RSBN1: variants seen among roughly 807,000 people sequenced by gnomAD.
RSBN1 encodes round spermatid basic protein 1.
A neutral mutation model predicts 74.8 loss-of-function variants in RSBN1; 23 were observed. That is an observed-to-expected ratio of 0.31 (90% CI 0.22 to 0.44). RSBN1 has a LOEUF of 0.44. Among genes scored for constraint, RSBN1 ranks in the 20% least tolerant of loss-of-function variants. RSBN1 has a pLI of 1.00. For missense variants in RSBN1, 808 were observed against 1,020.9 expected (o/e 0.79, Z 2.84); for synonymous variants, 407 against 379.6 (o/e 1.07, Z -0.84).
chr1:113,766,040 T>C lies in RSBN1; in HGVS notation c.2349A>G (p.Glu783=). 1 of 1,614,084 alleles carries C rather than the reference T, an allele frequency of 6.2e-7. No individual in the cohort carries two copies. ...GTTGCTGGTCAGAGTCCAGTCTACT[T>C]TCCACTTTTAAAACTGGAATAGGCT... ...KTQPIPVLKV[E]SRLDSDQQHN... The change falls in exon 7 of 7, where the codon GAA becomes GAG. Residue 783 remains glutamate (E), a synonymous_variant. Transcript: ENST00000261441.
chr1:113,767,735 T>C (rs990634144), intron 5 of RSBN1, among the ~76,000 whole-genome samples: 1 of 152,200 alleles, frequency 6.6e-6, no homozygotes, highest in Non-Finnish European at 1.5e-5. Context: ...TGTCCACTGA[T>C]GGATAAACTG....
intron 2 of RSBN1, among the ~76,000 whole-genome samples, chr1:113,795,677 C>T (rs920557389): frequency 1.3e-5 from 2 of 152,130 alleles, no homozygotes; most frequent in Non-Finnish European, 2.9e-5. Context: ...TTTTAAATCT[C>T]AAAGTAAGTA....
At position 113,797,517 on chromosome 1, in the gene RSBN1, G is replaced by A; in HGVS notation, c.1223C>T (p.Ala408Val). 1 of 1,613,822 alleles carries A rather than the reference G, an allele frequency of 6.2e-7. No homozygotes were observed. Among genetic ancestry groups the A allele is most frequent in the Non-Finnish European group, 8.5e-7 (1 of 1,179,896 alleles). The change falls in exon 2 of 7, where the codon GCT (alanine) becomes GTT (valine). Residue 408 changes from alanine (A) to valine (V), a missense_variant. Around this residue, in one of 6 missense-constraint regions of RSBN1, gnomAD observed 112 missense variants for 257.3 expected, o/e 0.44. Transcript: ENST00000261441. ...LTFSENEKNA[A>V]YYALAIVHGA... ...ATGCACTATTGCTAAAGCATAGTAA[G>A]CAGCATTTTTCTCATTTTCACTGAA...
chr1:113,765,871 G>C lies in RSBN1; in HGVS notation c.*109C>G, dbSNP rs1659768948. The stretch of plus-strand genomic sequence containing the variant: ...TTGTGGAATGTCATTTCTCTTTATA[G>C]AATTATAGGCAAGATTTCTCCAATA... On this transcript the variant is annotated 3_prime_UTR_variant, in exon 7 of 7. Coordinates refer to ENST00000261441, the MANE Select transcript of RSBN1 (RefSeq NM_018364.5). The C allele has an allele frequency of 1.3e-6, 1 of 757,586 alleles. No individual in the cohort carries two copies. Among genetic ancestry groups the C allele is most frequent in the Non-Finnish European group, 2.1e-6 (1 of 477,544 alleles). The allele number at this position is 757,586 out of a possible 1,614,324, so 46.9% of individuals were successfully genotyped here. A position where few individuals can be genotyped will look rare whatever the true frequency, so the allele number is the denominator to read the frequency against.
chr1:113,771,991 C>A (rs1039175811), intron 4 of RSBN1, among the ~76,000 whole-genome samples: 1 of 151,648 alleles, frequency 6.6e-6, no homozygotes, highest in South Asian at 2.1e-4. Context: ...GTTTTAAGTA[C>A]GTAGGTGAAA....
rs1292985248 is a variant in RSBN1 at position 113,765,623 on chromosome 1, G to T, written c.*357C>A. On this transcript the variant is annotated 3_prime_UTR_variant, in exon 7 of 7. Transcript: ENST00000261441. ...ATTTATCCATAAAAACAGCAAATAT[G>T]GCAAGAGACAAGGCAAGATAAAATT... 5.3e-6 allele frequency: 1 copy of T among 188,606 alleles called. No homozygotes were observed. Among genetic ancestry groups the T allele is most frequent in the African/African-American group, 2.3e-5 (1 of 42,620 alleles). The allele number at this position is 188,606 out of a possible 1,614,324, so 11.7% of individuals were successfully genotyped here. A position where few individuals can be genotyped will look rare whatever the true frequency, so the allele number is the denominator to read the frequency against.
At position 113,797,562 on chromosome 1, in the gene RSBN1, T is replaced by G; in HGVS notation, c.1178A>C (p.Glu393Ala). 1 of 1,611,930 alleles carries G rather than the reference T, an allele frequency of 6.2e-7. No individual in the cohort carries two copies. The highest frequency in any genetic ancestry group is 8.5e-7 in the Non-Finnish European group (1 of 1,178,844). ...LSPMEMERFS[E>A]EFLALTFSEN... is the part of the protein sequence containing the mutation. ...ACTGAATGTCAAAGCAAGAAACTCC[T>G]CAGAAAATCTCTCCATCTCCATTGG... Residue 393 changes from glutamate (E) to alanine (A), a missense_variant, in exon 2 of 7, where the codon GAG (glutamate) becomes GCG (alanine). Coordinates refer to ENST00000261441, the MANE Select transcript of RSBN1 (RefSeq NM_018364.5).
In RSBN1 at chr1:113,768,290, G is replaced by A. The variant is rs146069141; in HGVS notation, c.1758C>T (p.Val586=). The change falls in exon 5 of 7, where the codon GTC becomes GTT. Residue 586 remains valine, a synonymous_variant. Transcript: ENST00000261441. ...TACTCTGCCAGTCAAACCCCTGACC[G>A]ACATGATCAGCATGAGCTCTAGTCC... ...EDRTRAHADH[V]GQGFDWQSTA... 3.8e-5 allele frequency: 62 copies of A among 1,613,644 alleles called. 1 individual carries two copies. Among genetic ancestry groups the A allele is most frequent in the South Asian group, 1.9e-4 (17 of 91,048 alleles).
chr1:113,788,619 A>G (rs1447439458), intron 2 of RSBN1, among the ~76,000 whole-genome samples: 1 of 152,212 alleles, frequency 6.6e-6, no homozygotes, highest in African/African-American at 2.4e-5. Context: ...GTAAGTTTAA[A>G]GGCACTGAAG....
chr1:113,801,144 G>A (rs1335821467), intron 1 of RSBN1, among the ~76,000 whole-genome samples: 1 of 151,882 alleles, frequency 6.6e-6, no homozygotes, highest in East Asian at 1.9e-4. Context: ...ACCACACCCG[G>A]CTAATTTTTT....
At position 113,763,464 on chromosome 1, in the gene RSBN1, T is replaced by C. The variant is rs183546989; in HGVS notation, c.*2516A>G. Reference sequence around the variant, plus strand: ...CCACCAAACCAAATAATTTAATGATTTAGAAAAATTGCAATCATTTGTATC... The same window carrying C: ...CCACCAAACCAAATAATTTAATGATCTAGAAAAATTGCAATCATTTGTATC... On this transcript the variant is annotated 3_prime_UTR_variant, in exon 7 of 7. Coordinates refer to ENST00000261441, the MANE Select transcript of RSBN1 (RefSeq NM_018364.5). 17 of 152,804 alleles carry C rather than the reference T, an allele frequency of 1.1e-4. No individual in the cohort carries two copies. The highest frequency in any genetic ancestry group is 3.4e-4 in the African/African-American group (14 of 41,552). The allele number at this position is 152,804 out of a possible 1,614,324, so 9.5% of individuals were successfully genotyped here.
rs1659747471 is a variant in RSBN1 at position 113,764,692 on chromosome 1, T to C, written c.*1288A>G. On this transcript the variant is annotated 3_prime_UTR_variant, in exon 7 of 7. Transcript: ENST00000261441. Reference sequence around the variant, plus strand: ...CAGGAAAAAAAAAAAATCTCCAAATTGCACTGTAACCAGGGAGATATAAGA... The same window carrying C: ...CAGGAAAAAAAAAAAATCTCCAAATCGCACTGTAACCAGGGAGATATAAGA... The C allele has an allele frequency of 6.6e-6, 1 of 151,330 alleles. No individual in the cohort carries two copies. The highest frequency in any genetic ancestry group is 1.5e-5 in the Non-Finnish European group (1 of 67,804). 9.4% of individuals were successfully genotyped at this position (151,330 alleles called of 1,614,324 possible).
chr1:113,807,230 C>T (rs1660722513), intron 1 of RSBN1, among the ~76,000 whole-genome samples: 1 of 151,636 alleles, frequency 6.6e-6, no homozygotes, highest in Admixed American at 6.6e-5. Context: ...AGGAGAATCG[C>T]CTGAACCCAA....
chr1:113,774,129 G>A (rs1659938435), intron 4 of RSBN1, among the ~76,000 whole-genome samples: 1 of 152,172 alleles, frequency 6.6e-6, no homozygotes, highest in Non-Finnish European at 1.5e-5. Context: ...GTCAGGGGAG[G>A]TGGCTGATTT....
chr1:113,808,030 G>A (rs1457366333), intron 1 of RSBN1, among the ~76,000 whole-genome samples: 1 of 152,116 alleles, frequency 6.6e-6, no homozygotes, highest in East Asian at 1.9e-4. Flanking sequence ...TGGCAAGAAT[G>A]TGGAGAAAAT....
intron 1 of RSBN1, among the ~76,000 whole-genome samples, chr1:113,804,422 A>C (rs1660659574): frequency 6.6e-6 from 1 of 152,220 alleles, no homozygotes; most frequent in South Asian, 2.1e-4. Context: ...GCTAGTACAC[A>C]ACAGCCAAGA....
At chr1:113,779,624 T>C (rs1344004086) in intron 2 of RSBN1, among the ~76,000 whole-genome samples, 1 of 152,220 alleles carries the variant, frequency 6.6e-6, no homozygotes, top group Non-Finnish European at 1.5e-5. Flanking sequence ...AGGTAAGTCT[T>C]TTTAAATCAT....
intron 2 of RSBN1, among the ~76,000 whole-genome samples, chr1:113,789,241 A>T (rs887506736): frequency 6.6e-6 from 1 of 152,138 alleles, no homozygotes; most frequent in Non-Finnish European, 1.5e-5. Context: ...AGCCTACATA[A>T]TGAAGGCTTC....
chr1:113,797,572 T>C lies in RSBN1; in HGVS notation c.1168A>G (p.Arg390Gly). The change falls in exon 2 of 7, where the codon AGA becomes GGA. Residue 390 changes from arginine to glycine, a missense_variant. This residue lies in a region of RSBN1 where 85 missense variants were observed against 126.2 expected (regional missense o/e 0.67). Coordinates refer to ENST00000261441, the MANE Select transcript of RSBN1 (RefSeq NM_018364.5). The part of the protein sequence containing the change: ...LSFLSPMEME[R>G]FSEEFLALTF... ...AAAGCAAGAAACTCCTCAGAAAATC[T>C]CTCCATCTCCATTGGAGACAAAAAT... 6.2e-7 allele frequency: 1 copy of C among 1,611,926 alleles called. No individual in the cohort carries two copies. The highest frequency in any genetic ancestry group is 1.1e-5 in the South Asian group (1 of 90,896).
Sources: gnomAD v4.1 joint callset for allele counts (sites outside exome capture counted in the v4.1 genomes callset) on GRCh38, gnomAD v4.1.1 for gene constraint, gnomAD v4.1.1 regional missense constraint, MANE v1.5 for transcripts, NCBI Gene and HGNC (gene_info 2026-07-23, HGNC 2026-07-21) for gene names.